The following PSME3IP1 variants were observed in gnomAD, a reference collection of about 807,000 sequenced individuals.
PSME3IP1 encodes the protein proteasome activator subunit 3 interacting protein 1.
Under a neutral mutation model 34.1 loss-of-function variants are expected in PSME3IP1, and 13 were observed. The observed-to-expected ratio is 0.38, with a 90% CI of 0.25 to 0.61. The LOEUF is 0.61. Among genes scored for constraint, PSME3IP1 ranks in the 20% least tolerant of loss-of-function variants. PSME3IP1 has a pLI of 0.60. For missense variants in PSME3IP1, 237 were observed against 301.4 expected (o/e 0.79, Z 1.58); for synonymous variants, 93 against 114.3 (o/e 0.81, Z 1.19).
chr16:57,162,899 T>A (rs549811903), intron 6 of PSME3IP1, among the ~76,000 whole-genome samples: 105 of 152,182 alleles, frequency 6.9e-4, no homozygotes, highest in African/African-American at 2.5e-3. Flanking sequence ...GCTTGGTGGC[T>A]CACTCCTGTA....
Position 57,157,313 on chromosome 16 carries a change from CAAAAAAAAAA to C in PSME3IP1, c.548-2816_548-2807del, listed in dbSNP as rs751911757. 1.2e-4 allele frequency among the ~76,000 whole-genome samples: 9 copies of C among 76,854 alleles called. No homozygotes were observed. The East Asian group carries it at 1.3e-3, about 11-fold the overall frequency. 50.4% of individuals were successfully genotyped at this position (76,854 alleles called of 152,430 possible). On this transcript the variant is annotated intron_variant, in intron 6 of 6. Coordinates refer to ENST00000309137, the MANE Select transcript of PSME3IP1 (RefSeq NM_024946.4). ...GGGTGACAGAGCGAGAACCTATCTC[CAAAAAAAAAA>C]AAAAAAAAAGAAGAAGAAGAAGAAG...
At chr16:57,182,291 T>C (rs2073786038) in intron 1 of PSME3IP1, among the ~76,000 whole-genome samples, 1 of 152,016 alleles carries the variant, frequency 6.6e-6, no homozygotes, top group African/African-American at 2.4e-5. Flanking sequence ...ATTAACATGC[T>C]GCCTCCCTGA....
Position 57,163,958 on chromosome 16 carries a change from T to C in PSME3IP1, c.547+43A>G, listed in dbSNP as rs376488754. 52 of 1,560,090 alleles carry C rather than the reference T, an allele frequency of 3.3e-5. No homozygotes were observed. In the African/African-American group the frequency reaches 5.8e-4, roughly 17 times the overall value. ...CATTACAGCCCTTTACTGTGGTTCATGTGTATTCTGAGTACAAGGAAGTAA... is the reference window on the plus strand; with the variant it reads ...CATTACAGCCCTTTACTGTGGTTCACGTGTATTCTGAGTACAAGGAAGTAA... On this transcript the variant is annotated intron_variant, in intron 6 of 6. Transcript: ENST00000309137.
chr16:57,164,096 T>G (rs1597631760), intron 5 of PSME3IP1, 31 bp from the exon 6 acceptor site: 1 of 1,603,820 alleles, frequency 6.2e-7, no homozygotes, highest in African/African-American at 1.3e-5. Context: ...ACTTGAGCCA[T>G]GTCCAATCTT....
intron 4 of PSME3IP1, among the ~76,000 whole-genome samples, chr16:57,171,409 C>T (rs1200438236): frequency 6.6e-6 from 1 of 152,122 alleles, no homozygotes; most frequent in Non-Finnish European, 1.5e-5. Flanking sequence ...GTAAGGGGAA[C>T]CCACTAGACT....
intron 1 of PSME3IP1, among the ~76,000 whole-genome samples, chr16:57,175,314 T>C (rs1208375530): frequency 6.6e-6 from 1 of 151,976 alleles, no homozygotes; most frequent in Admixed American, 6.6e-5. Context: ...CACCTGGCCA[T>C]ATTACTCCTT....
chr16:57,154,334 CA>C lies in PSME3IP1; in HGVS notation c.720del (p.Ile240MetfsTer29), dbSNP rs1367069561. The C allele has an allele frequency of 6.2e-7, 1 of 1,614,044 alleles. No individual in the cohort carries two copies. The highest frequency in any genetic ancestry group is 8.5e-7 in the Non-Finnish European group (1 of 1,180,014). On this transcript the variant is annotated frameshift_variant, in exon 7 of 7. Coordinates refer to ENST00000309137, the MANE Select transcript of PSME3IP1 (RefSeq NM_024946.4). LOFTEE classifies it high-confidence loss of function. The surrounding 1 kb of genome is among the most constrained non-coding windows in gnomAD (Gnocchi z 4.0). ...SEGTINATGK[I>X]VSSIFRTNTF... ...GTGTTGGTTCGGAAGATGGAGGAGACAATCTTTCCGGTGGCATTGATGGTGC... is the reference window on the plus strand; with the variant it reads ...GTGTTGGTTCGGAAGATGGAGGAGACATCTTTCCGGTGGCATTGATGGTGC...
Position 57,153,243 on chromosome 16 carries a change from G to A in PSME3IP1, c.*1047C>T, listed in dbSNP as rs2070132670. ...TACCTCTAGTTTTTGGCTGCTCATGGCCTCAGAGTTGCTGTTTGGAAAGGA... is the reference window on the plus strand; with the variant it reads ...TACCTCTAGTTTTTGGCTGCTCATGACCTCAGAGTTGCTGTTTGGAAAGGA... On this transcript the variant is annotated 3_prime_UTR_variant, in exon 7 of 7. Coordinates refer to ENST00000309137, the MANE Select transcript of PSME3IP1 (RefSeq NM_024946.4). 1.3e-5 allele frequency: 2 copies of A among 152,238 alleles called. No homozygotes were observed. Among genetic ancestry groups the A allele is most frequent in the South Asian group, 4.1e-4 (2 of 4,836 alleles). The allele number at this position is 152,238 out of a possible 1,614,324, so 9.4% of individuals were successfully genotyped here.
chr16:57,167,248 A>C, intron 4 of PSME3IP1, 22 bp from the exon 5 acceptor site: 5 of 1,614,164 alleles, frequency 3.1e-6, no homozygotes, highest in Non-Finnish European at 3.4e-6. Flanking sequence ...GTTAAGGGTC[A>C]AACTAAGCAA....
chr16:57,185,531 C>G (rs1298725089), intron 1 of PSME3IP1: 8 of 985,408 alleles, frequency 8.1e-6, no homozygotes, highest in Non-Finnish European at 9.6e-6. Context: ...CACTTGAAAC[C>G]TGGGTGGCCC....
chr16:57,153,928 T>A lies in PSME3IP1; in HGVS notation c.*362A>T. On this transcript the variant is annotated 3_prime_UTR_variant, in exon 7 of 7. Coordinates refer to ENST00000309137, the MANE Select transcript of PSME3IP1 (RefSeq NM_024946.4). ...AATAACTGCCCTTACTTCTTTGTGC[T>A]GTCGGGAAAAGAAAAAACAGAAAGC... 4.2e-6 allele frequency: 1 copy of A among 240,176 alleles called. No individual in the cohort carries two copies. The highest frequency in any genetic ancestry group is 8.2e-6 in the Non-Finnish European group (1 of 121,864). The allele number at this position is 240,176 out of a possible 1,614,324, so 14.9% of individuals were successfully genotyped here. A position where few individuals can be genotyped will look rare whatever the true frequency, so the allele number is the denominator to read the frequency against.
chr16:57,172,107 A>C, intron 4 of PSME3IP1, 144 bp downstream of exon 4: 3 of 849,790 alleles, frequency 3.5e-6, no homozygotes, highest in Middle Eastern at 3.9e-4. Flanking sequence ...CCAGCTTTTC[A>C]GAATTACAGG....
intron 5 of PSME3IP1, among the ~76,000 whole-genome samples, chr16:57,165,153 T>TTATATATATATATA (rs142649591): frequency 1.1e-4 from 16 of 147,668 alleles, no homozygotes; most frequent in African/African-American, 3.9e-4. Context: ...TAAGACACTG[T>TTATATATATATATA]TATATATATA....
intron 6 of PSME3IP1, among the ~76,000 whole-genome samples, chr16:57,158,150 G>A (rs897109753): frequency 6.6e-6 from 1 of 152,154 alleles, no homozygotes; most frequent in Non-Finnish European, 1.5e-5. Context: ...TGGGGGGAAG[G>A]GGTATAAAAA....
At chr16:57,172,751 G>T in intron 3 of PSME3IP1, 25 bp downstream of exon 3, 2 of 1,535,334 alleles carry the variant, frequency 1.3e-6, no homozygotes, top group South Asian at 1.1e-5. Flanking sequence ...AGAGCCCCTT[G>T]AACTCTCTGT....
rs766329136 is a variant in PSME3IP1 at position 57,154,256 on chromosome 16, T to C, written c.*34A>G. The C allele has an allele frequency of 3.7e-6, 6 of 1,601,310 alleles. No individual in the cohort carries two copies. Among genetic ancestry groups the C allele is most frequent in the South Asian group, 3.3e-5 (3 of 90,742 alleles). On this transcript the variant is annotated 3_prime_UTR_variant, in exon 7 of 7. Coordinates refer to ENST00000309137, the MANE Select transcript of PSME3IP1 (RefSeq NM_024946.4). The surrounding 1 kb of genome is among the most constrained non-coding windows in gnomAD (Gnocchi z 4.0). Reference sequence around the variant, plus strand: ...GCAGCATGAACGGTCCGATCTACCCTTGGGGAGGAGCTCCCTGTGTAGGGA... The same window carrying C: ...GCAGCATGAACGGTCCGATCTACCCCTGGGGAGGAGCTCCCTGTGTAGGGA...
intron 1 of PSME3IP1, among the ~76,000 whole-genome samples, chr16:57,185,315 T>C (rs1470979568): frequency 1.3e-5 from 2 of 152,230 alleles, no homozygotes; most frequent in African/African-American, 4.8e-5. Context: ...TCTCTTTGTT[T>C]CTTAAGTTTT....
chr16:57,166,443 G>A (rs535606582), intron 5 of PSME3IP1, among the ~76,000 whole-genome samples: 74 of 152,292 alleles, frequency 4.9e-4, no homozygotes, highest in Admixed American at 2.0e-3. Context: ...GTTCTTTCAG[G>A]ACAGGATGCC....
intron 6 of PSME3IP1, 45 bp downstream of exon 6, chr16:57,163,956 C>G: frequency 6.4e-7 from 1 of 1,551,678 alleles, no homozygotes; most frequent in Non-Finnish European, 8.9e-7. Flanking sequence ...TACTGTGGTT[C>G]ATGTGTATTC....
Sources: gnomAD v4.1 joint callset for allele counts (sites outside exome capture counted in the v4.1 genomes callset) on GRCh38, gnomAD v4.1.1 for gene constraint, Gnocchi (gnomAD v3.1) non-coding constraint, MANE v1.5 for transcripts, NCBI Gene and HGNC (gene_info 2026-07-23, HGNC 2026-07-21) for gene names.